PIPOX: variants seen among roughly 807,000 people sequenced by gnomAD.
The protein encoded by PIPOX is pipecolic acid and sarcosine oxidase.
In PIPOX, 45 loss-of-function variants were observed where a neutral mutation model predicts 47.9. That is an observed-to-expected ratio of 0.94 (90% CI 0.74 to 1.20). The LOEUF (loss-of-function observed/expected upper bound fraction) is 1.20, where lower values mean the gene tolerates loss of function less well. Among genes scored for constraint, PIPOX ranks in the 50% most tolerant of loss-of-function variants. PIPOX has a pLI of 0.00. For missense variants in PIPOX, 458 were observed against 498.4 expected (o/e 0.92, Z 0.77); for synonymous variants, 165 against 191.3 (o/e 0.86, Z 1.13).
chr17:29,044,925 G>A lies in PIPOX; in HGVS notation c.181G>A (p.Glu61Lys), dbSNP rs1233968611. 6.2e-7 allele frequency: 1 copy of A among 1,614,162 alleles called. No homozygotes were observed. ...QSRIIRKAYL[E>K]DFYTRMMHEC... ...CCGGATAATCCGAAAGGCGTACCTG[G>A]AAGACTTTTACACCCGGATGATGCA... Residue 61 changes from glutamate to lysine, a missense_variant, in exon 2 of 8, where the codon GAA becomes AAA. By Grantham distance (56) the Glu-to-Lys change is moderately conservative. Coordinates refer to ENST00000323372, the MANE Select transcript of PIPOX (RefSeq NM_016518.3).
chr17:29,043,315 G>A lies in PIPOX; in HGVS notation c.90G>A (p.Arg30=). 1.2e-6 allele frequency: 2 copies of A among 1,613,418 alleles called. No homozygotes were observed. The highest frequency in any genetic ancestry group is 1.7e-6 in the Non-Finnish European group (2 of 1,179,434). ...CFTAYHLAKH[R]KRILLLEQFF... ...CTGCATACCACCTGGCCAAACACAG[G>A]AAGAGGATCCTCCTGCTGGAGCAGG... The change falls in exon 1 of 8, where the codon AGG becomes AGA. Residue 30 remains arginine (R), a synonymous_variant. Coordinates refer to ENST00000323372, the MANE Select transcript of PIPOX (RefSeq NM_016518.3).
At chr17:29,052,134 A>G (rs986806158) in intron 2 of PIPOX, 3 of 440,062 alleles carry the variant, frequency 6.8e-6, no homozygotes, top group Non-Finnish European at 9.4e-6. Flanking sequence ...ACAGAGACAG[A>G]CACACAGGAA....
At position 29,054,463 on chromosome 17, in the gene PIPOX, G is replaced by A. The variant is rs542903345; in HGVS notation, c.661-82G>A. ...GTGTCCAGGCTTGTGTTAGAGGGCCGCAGGGGCCCAGAGAAACTGCTTTCA... is the reference window on the plus strand; with the variant it reads ...GTGTCCAGGCTTGTGTTAGAGGGCCACAGGGGCCCAGAGAAACTGCTTTCA... On this transcript the variant is annotated intron_variant, in intron 4 of 7. Coordinates refer to ENST00000323372, the MANE Select transcript of PIPOX (RefSeq NM_016518.3). 5.2e-4 allele frequency: 788 copies of A among 1,504,066 alleles called. 4 individuals are homozygous for A. In the South Asian group the frequency reaches 7.0e-3, roughly 13 times the overall value. 93.2% of individuals were successfully genotyped at this position (1,504,066 alleles called of 1,614,324 possible).
chr17:29,044,826 G>A (rs1056153885), intron 1 of PIPOX, 33 bp from the exon 2 acceptor site: 6 of 1,591,896 alleles, frequency 3.8e-6, no homozygotes, highest in Admixed American at 1.7e-5. Context: ...AGGGGTAATG[G>A]CTTCCATCAT....
At chr17:29,050,427 G>A (rs1470198556) in intron 2 of PIPOX, among the ~76,000 whole-genome samples, 2 of 148,700 alleles carry the variant, frequency 1.3e-5, no homozygotes, top group African/African-American at 2.6e-5. Flanking sequence ...GGGCACAGTG[G>A]CTCATCTTAT....
At chr17:29,045,123 T>C in intron 2 of PIPOX, 116 bp downstream of exon 2, 1 of 1,160,188 alleles carries the variant, frequency 8.6e-7, no homozygotes, top group Admixed American at 2.7e-5. Flanking sequence ...ACACAAGGCC[T>C]CAAGAAGTAC....
intron 7 of PIPOX, 76 bp downstream of exon 7, chr17:29,055,964 A>G: frequency 7.1e-7 from 1 of 1,405,244 alleles, no homozygotes; most frequent in South Asian, 1.2e-5. Flanking sequence ...TATTTTCCAC[A>G]CTCTTAGCTG....
Position 29,052,979 on chromosome 17 carries a change from C to G in PIPOX, c.323C>G (p.Ala108Gly). Residue 108 changes from alanine (A) to glycine (G), a missense_variant, in exon 3 of 8, where the codon GCC becomes GGC. By Grantham distance (60) the Ala-to-Gly change is moderately conservative (BLOSUM62 0). Coordinates refer to ENST00000323372, the MANE Select transcript of PIPOX (RefSeq NM_016518.3). ...AATCAAGAATTAAAGACAATCCAGG[C>G]CAATCTGTCGAGGCAGAGGGTAGAA... is the stretch of plus-strand genomic sequence containing the variant. ...KENQELKTIQANLSRQRVEHQ... is the reference protein window; with the variant it reads ...KENQELKTIQGNLSRQRVEHQ... 6.2e-7 allele frequency: 1 copy of G among 1,614,244 alleles called. No homozygotes were observed. The highest frequency in any genetic ancestry group is 8.5e-7 in the Non-Finnish European group (1 of 1,180,044).
At chr17:29,043,360 C>A (rs7225763) in intron 1 of PIPOX, 21 bp downstream of exon 1, 2 of 1,557,154 alleles carry the variant, frequency 1.3e-6, no homozygotes, top group South Asian at 2.2e-5. Context: ...CCTTCTGCAC[C>A]CCCAGCTGTA....
intron 2 of PIPOX, chr17:29,046,785 G>A: frequency 1.0e-6 from 1 of 982,752 alleles, no homozygotes; most frequent in Non-Finnish European, 1.2e-6. Flanking sequence ...AACTGGACCT[G>A]GCTCTAAATC....
chr17:29,044,523 G>T, intron 1 of PIPOX: 1 of 175,892 alleles, frequency 5.7e-6, no homozygotes, highest in East Asian at 1.5e-4. Flanking sequence ...GCACGGGCTG[G>T]AGTGCAGTGG....
intron 2 of PIPOX, among the ~76,000 whole-genome samples, chr17:29,048,970 G>T (rs972530190): frequency 1.3e-5 from 2 of 152,170 alleles, no homozygotes; most frequent in African/African-American, 4.8e-5. Context: ...GATGGCAGGT[G>T]CAGGGAGAGC....
intron 7 of PIPOX, 113 bp from the exon 8 acceptor site, chr17:29,056,062 G>T: frequency 7.0e-7 from 1 of 1,433,578 alleles, no homozygotes; most frequent in Non-Finnish European, 9.7e-7. Flanking sequence ...GCCACTTCTG[G>T]CTTTGGGATG....
Position 29,055,056 on chromosome 17 carries a change from GAGCCAGGTC to G in PIPOX, c.808-3_813del. The G allele has an allele frequency of 1.2e-6, 2 of 1,614,120 alleles. No individual in the cohort carries two copies. Among genetic ancestry groups the G allele is most frequent in the Non-Finnish European group, 1.7e-6 (2 of 1,180,010 alleles). On this transcript the variant is annotated splice_acceptor_variant and splice_polypyrimidine_tract_variant and coding_sequence_variant and intron_variant, in exon 6 of 8. Coordinates refer to ENST00000323372, the MANE Select transcript of PIPOX (RefSeq NM_016518.3). LOFTEE classifies it high-confidence loss of function. ...TCACCACTCATGCCACTCTGATTGG[GAGCCAGGTC>G]AGCTATCACCACGGCAACCACGCAG...
chr17:29,053,729 A>G, intron 4 of PIPOX, 134 bp downstream of exon 4: 2 of 568,950 alleles, frequency 3.5e-6, no homozygotes, highest in South Asian at 2.9e-5. Context: ...ACCGAGCCTC[A>G]GTTTTATCAT....
intron 2 of PIPOX, among the ~76,000 whole-genome samples, chr17:29,046,331 C>T (rs773780902): frequency 3.9e-5 from 6 of 152,174 alleles, no homozygotes; most frequent in Non-Finnish European, 8.8e-5. Context: ...CCTCCTAGCA[C>T]ACAATGAGGC....
At chr17:29,046,881 G>C (rs1881750055) in intron 2 of PIPOX, 1 of 377,990 alleles carries the variant, frequency 2.6e-6, no homozygotes, top group South Asian at 1.1e-4. Context: ...GTGAAGTAGG[G>C]ATACTAATAC....
chr17:29,043,349 C>G lies in PIPOX; in HGVS notation c.114+10C>G. 1 of 1,571,594 alleles carries G rather than the reference C, an allele frequency of 6.4e-7. No individual in the cohort carries two copies. The highest frequency in any genetic ancestry group is 8.8e-7 in the Non-Finnish European group (1 of 1,141,734). Reference sequence around the variant, plus strand: ...CCTCCTGCTGGAGCAGGTACTGTGTCCCTTCTGCACCCCCAGCTGTAAGGA... The same window carrying G: ...CCTCCTGCTGGAGCAGGTACTGTGTGCCTTCTGCACCCCCAGCTGTAAGGA... On this transcript the variant is annotated intron_variant, in intron 1 of 7. Transcript: ENST00000323372.
At chr17:29,046,092 T>G (rs1462034081) in intron 2 of PIPOX, among the ~76,000 whole-genome samples, 1 of 152,212 alleles carries the variant, frequency 6.6e-6, no homozygotes, top group Non-Finnish European at 1.5e-5. Flanking sequence ...AGTGTTCTGT[T>G]GCAAAAATAC....
Sources: allele counts gnomAD v4.1 joint callset (sites outside exome capture counted in the v4.1 genomes callset), GRCh38; gene constraint gnomAD v4.1.1; transcripts MANE v1.5; gene names NCBI Gene and HGNC (gene_info 2026-07-23, HGNC 2026-07-21).